Variants in RBFOX3 observed in about 807,000 individuals in gnomAD.
RBFOX3 encodes RNA binding fox-1 homolog 3.
RBFOX3 carries 17 observed loss-of-function variants against 48.7 expected under a neutral mutation model. That is an observed-to-expected ratio of 0.35 (90% confidence interval 0.24 to 0.52). RBFOX3 has a LOEUF of 0.52. RBFOX3 is among the 20% of genes least tolerant of loss of function. The pLI, the probability that RBFOX3 is intolerant of heterozygous loss-of-function variation, is 0.94. For missense variants in RBFOX3, 382 were observed against 497.5 expected, an observed-to-expected ratio of 0.77 and a Z score of 2.21; for synonymous variants, 212 against 209.5, an observed-to-expected ratio of 1.01 and a Z score of -0.10.
At chr17:79,428,804 A>C (rs1022534456) in intron 2 of RBFOX3, among the ~76,000 whole-genome samples, 1 of 152,248 alleles carries the variant, frequency 6.6e-6, no homozygotes, top group Non-Finnish European at 1.5e-5. Context: ...ACTAGCAGTG[A>C]ATTACTGATG....
chr17:79,622,346 G>A, the RBFOX3 span, among the ~76,000 whole-genome samples: 3 of 152,054 alleles, frequency 2.0e-5, no homozygotes, highest in African/African-American at 4.8e-5. Context: ...TGGCAGCCCC[G>A]TACCCTGCAC....
chr17:79,197,584 G>A (rs1218054859), intron 4 of RBFOX3, among the ~76,000 whole-genome samples: 6 of 151,382 alleles, frequency 4.0e-5, no homozygotes, highest in Admixed American at 3.3e-4. Flanking sequence ...TAGTAGAGAC[G>A]GGGCCTCACC....
intron 2 of RBFOX3, among the ~76,000 whole-genome samples, chr17:79,452,990 A>G (rs1555742657): frequency 6.6e-6 from 1 of 152,090 alleles, no homozygotes; most frequent in African/African-American, 2.4e-5. Flanking sequence ...CTTGGAGCAC[A>G]TGGCTTCATC....
At chr17:79,320,397 C>T (rs192917354) in intron 2 of RBFOX3, among the ~76,000 whole-genome samples, 2 of 152,358 alleles carry the variant, frequency 1.3e-5, no homozygotes, top group African/African-American at 2.4e-5. Context: ...CAGGATCCCA[C>T]GTCGTGCCAC....
intron 1 of RBFOX3, among the ~76,000 whole-genome samples, chr17:79,606,207 G>A (rs2093826931): frequency 1.3e-5 from 2 of 152,196 alleles, no homozygotes; most frequent in African/African-American, 4.8e-5. Flanking sequence ...GCCCCCACGT[G>A]TCTTACAGGT....
intron 4 of RBFOX3, among the ~76,000 whole-genome samples, chr17:79,172,948 C>T (rs970062813): frequency 4.6e-5 from 7 of 152,212 alleles, no homozygotes; most frequent in Admixed American, 4.6e-4. Flanking sequence ...GTGGCTCATG[C>T]CCGTAATTCC....
Position 79,433,381 on chromosome 17 carries a change from G to A in RBFOX3, c.-175+49073C>T, listed in dbSNP as rs782159143. 5.9e-5 allele frequency among the ~76,000 whole-genome samples: 9 copies of A among 152,174 alleles called. 1 individual carries two copies. The highest frequency in any genetic ancestry group is 8.8e-5 in the Non-Finnish European group (6 of 68,038). ...ACAAAATCTAAGTGTGGGAGAGGGG[G>A]CACTGTTCCCACTTCTGTCATGTGA... On this transcript the variant is annotated intron_variant, in intron 2 of 14. Transcript: ENST00000693108.
chr17:79,203,701 A>G (rs1458629888), intron 4 of RBFOX3, among the ~76,000 whole-genome samples: 2 of 151,918 alleles, frequency 1.3e-5, no homozygotes, highest in African/African-American at 4.8e-5. Flanking sequence ...AAGGAAAACA[A>G]CTGTCTCAAG....
intron 3 of RBFOX3, among the ~76,000 whole-genome samples, chr17:79,277,324 G>A (rs754792447): frequency 3.3e-5 from 5 of 151,212 alleles, no homozygotes; most frequent in Non-Finnish European, 7.4e-5. Context: ...AGTGCTGCTC[G>A]ACTGGTACCT....
chr17:79,621,646 C>T, the RBFOX3 span, among the ~76,000 whole-genome samples: 2 of 152,306 alleles, frequency 1.3e-5, no homozygotes, highest in East Asian at 3.9e-4. Flanking sequence ...CGGGGCATAA[C>T]CCAGTGTCCT....
At chr17:79,328,954 G>A (rs1184229086) in intron 2 of RBFOX3, among the ~76,000 whole-genome samples, 1 of 152,186 alleles carries the variant, frequency 6.6e-6, no homozygotes, top group African/African-American at 2.4e-5. Context: ...AGATCATGCA[G>A]GCAGAGAGCT....
At chr17:79,414,626 C>T (rs376020133) in intron 2 of RBFOX3, among the ~76,000 whole-genome samples, 18 of 152,178 alleles carry the variant, frequency 1.2e-4, no homozygotes, top group South Asian at 6.2e-4. Flanking sequence ...CTCCAGGCTG[C>T]GGACTCAGAA....
At chr17:79,251,899 C>T (rs1485857838) in intron 3 of RBFOX3, among the ~76,000 whole-genome samples, 1 of 152,194 alleles carries the variant, frequency 6.6e-6, no homozygotes, top group Non-Finnish European at 1.5e-5. Flanking sequence ...TCTTACAGCT[C>T]CCCAGTGGCC....
chr17:79,465,578 C>CAA (rs34170241), intron 2 of RBFOX3, among the ~76,000 whole-genome samples: 38 of 134,650 alleles, frequency 2.8e-4, no homozygotes, highest in African/African-American at 8.1e-4. Context: ...CACACATGCA[C>CAA]AAAAAAAAAA....
At chr17:79,580,923 A>G (rs1039523253) in intron 1 of RBFOX3, among the ~76,000 whole-genome samples, 19 of 152,324 alleles carry the variant, frequency 1.2e-4, no homozygotes, top group South Asian at 2.1e-4. Context: ...GTCTGTCTCA[A>G]TGACACTAAC....
At chr17:79,614,294 G>A (rs1171638900), upstream of RBFOX3, among the ~76,000 whole-genome samples, 3 of 152,230 alleles carry the variant, frequency 2.0e-5, no homozygotes, top group Non-Finnish European at 2.9e-5. Flanking sequence ...CGTCCTGCAC[G>A]GAGAGCCCCC....
chr17:79,516,409 C>T (rs1641998946), intron 1 of RBFOX3, among the ~76,000 whole-genome samples: 1 of 152,244 alleles, frequency 6.6e-6, no homozygotes, highest in Non-Finnish European at 1.5e-5. Context: ...GGATACCCAG[C>T]TCCTGGGCAG....
chr17:79,157,668 C>G (rs2377304), intron 4 of RBFOX3, among the ~76,000 whole-genome samples: 4,257 of 152,220 alleles, frequency 0.028, 179 homozygotes, highest in African/African-American at 0.096. Context: ...CCAGCTCTGC[C>G]GGGGGACAGA....
chr17:79,590,747 C>T (rs1471016945), intron 1 of RBFOX3, among the ~76,000 whole-genome samples: 2 of 152,174 alleles, frequency 1.3e-5, no homozygotes, highest in South Asian at 2.1e-4. Flanking sequence ...GCGTGTCCAC[C>T]TCCTGGCGTT....
Sources: allele counts gnomAD v4.1 joint callset (sites outside exome capture counted in the v4.1 genomes callset), GRCh38; gene constraint gnomAD v4.1.1; transcripts MANE v1.5; gene names NCBI Gene and HGNC (gene_info 2026-07-23, HGNC 2026-07-21).